The following TMEM209 variants were observed in gnomAD, a reference collection of about 807,000 sequenced individuals.
The protein encoded by TMEM209 is testicular tissue protein Li 202.
A neutral mutation model predicts 76.2 loss-of-function variants in TMEM209; 65 were observed. That is an observed-to-expected ratio of 0.85 (90% CI 0.70 to 1.05). The LOEUF is 1.05. Ranked by LOEUF, TMEM209 falls within the 50% of genes least tolerant of loss-of-function variation. The probability of loss-of-function intolerance (pLI) is 0.00; values close to 1 mark genes in which losing one functional copy is unlikely to be tolerated. For synonymous variants in TMEM209, 239 were observed against 237.6 expected (o/e 1.01, Z -0.06); for missense variants, 623 against 685.5 (o/e 0.91, Z 1.02).
chr7:130,178,473 G>A lies in TMEM209; in HGVS notation c.1175C>T (p.Pro392Leu), dbSNP rs765988156. ...QAALVKAPLI[P>L]TLNTIVQYLD... ...ATACTGAACGATTGTGTTCAAAGTC[G>A]GAATGAGAGGCGCTTTAACCAGGGC... is the stretch of plus-strand genomic sequence containing the variant. Residue 392 changes from proline to leucine, a missense_variant, in exon 10 of 15, where the codon CCG becomes CTG. By Grantham distance (98) the Pro-to-Leu change is moderately conservative. Coordinates refer to ENST00000397622, the MANE Select transcript of TMEM209 (RefSeq NM_032842.4). The A allele has an allele frequency of 3.7e-6, 6 of 1,613,582 alleles. No individual in the cohort carries two copies. The highest frequency in any genetic ancestry group is 5.1e-6 in the Non-Finnish European group (6 of 1,179,810).
chr7:130,205,225 A>T, intron 1 of TMEM209, 148 bp downstream of exon 1: 12 of 1,592,756 alleles, frequency 7.5e-6, no homozygotes, highest in Non-Finnish European at 1.0e-5. Context: ...CAGCAACCCT[A>T]TTGCTTCTTT....
At chr7:130,192,591 G>C in intron 6 of TMEM209, 31 bp downstream of exon 6, 2 of 1,585,742 alleles carry the variant, frequency 1.3e-6, no homozygotes, top group East Asian at 4.5e-5. Flanking sequence ...CCAAAAATAT[G>C]TATAGTAGAT....
In TMEM209 at chr7:130,205,150, AC is replaced by A. The variant is rs375519651; in HGVS notation, c.3+222del. Reference sequence around the variant, plus strand: ...AGGACAGAGCAATAGCTTTCGCGCCACTCAGCCCCCGCGTCCCAATTTCCCA... The same window carrying A: ...AGGACAGAGCAATAGCTTTCGCGCCATCAGCCCCCGCGTCCCAATTTCCCA... On this transcript the variant is annotated intron_variant, in intron 1 of 14. Transcript: ENST00000397622. 105 of 1,460,770 alleles carry A rather than the reference AC, an allele frequency of 7.2e-5. No homozygotes were observed. The African/African-American group carries it at 1.1e-3, about 15-fold the overall frequency. 90.5% of individuals were successfully genotyped at this position (1,460,770 alleles called of 1,614,324 possible). A position where few individuals can be genotyped will look rare whatever the true frequency, so the allele number is the denominator to read the frequency against.
chr7:130,189,251 C>T (rs1319371879), intron 6 of TMEM209, among the ~76,000 whole-genome samples: 1 of 152,100 alleles, frequency 6.6e-6, no homozygotes, highest in African/African-American at 2.4e-5. Context: ...GGCTGGAGTG[C>T]AGTGGTGTGA....
chr7:130,173,784 G>C, intron 12 of TMEM209, 41 bp downstream of exon 12: 1 of 1,603,894 alleles, frequency 6.2e-7, no homozygotes, highest in Non-Finnish European at 8.5e-7. Flanking sequence ...GAGATATTTT[G>C]TGTGAAAATC....
At chr7:130,178,155 TAAAG>T (rs1485795372) in intron 10 of TMEM209, among the ~76,000 whole-genome samples, 2 of 152,172 alleles carry the variant, frequency 1.3e-5, no homozygotes, top group Non-Finnish European at 2.9e-5. Flanking sequence ...ACCGGAACTA[TAAAG>T]AATGTCATAA....
intron 4 of TMEM209, 99 bp from the exon 5 acceptor site, chr7:130,202,190 G>A: frequency 7.2e-7 from 1 of 1,379,946 alleles, no homozygotes; most frequent in South Asian, 1.5e-5. Context: ...AGGGAAAAAA[G>A]TTAACAGAGT....
At chr7:130,198,807 T>G (rs1798085009) in intron 5 of TMEM209, among the ~76,000 whole-genome samples, 1 of 152,200 alleles carries the variant, frequency 6.6e-6, no homozygotes, top group African/African-American at 2.4e-5. Flanking sequence ...TAATTTCTAG[T>G]TTTATTTTTG....
chr7:130,173,944 G>C lies in TMEM209; in HGVS notation c.1345-5C>G. ...GCAAAATACATGCATGATGATCTGA[G>C]GATGAAGAAATAATTTTTTTTTAAG... On this transcript the variant is annotated splice_region_variant and splice_polypyrimidine_tract_variant and intron_variant, in intron 11 of 14. Coordinates refer to ENST00000397622, the MANE Select transcript of TMEM209 (RefSeq NM_032842.4). 1.9e-6 allele frequency: 3 copies of C among 1,584,080 alleles called. No homozygotes were observed. Among genetic ancestry groups the C allele is most frequent in the Non-Finnish European group, 2.6e-6 (3 of 1,153,166 alleles).
intron 9 of TMEM209, among the ~76,000 whole-genome samples, chr7:130,178,750 C>A (rs1213497614): frequency 1.3e-5 from 2 of 152,018 alleles, no homozygotes; most frequent in Non-Finnish European, 2.9e-5. Flanking sequence ...TTAGCACTAA[C>A]CACTGTCCAA....
intron 8 of TMEM209, among the ~76,000 whole-genome samples, chr7:130,183,579 T>C (rs918268442): frequency 6.6e-6 from 1 of 152,168 alleles, no homozygotes; most frequent in Non-Finnish European, 1.5e-5. Flanking sequence ...AGTAGCCCCT[T>C]CAGAGCTAAG....
chr7:130,176,006 CACA>C (rs1014012877), intron 10 of TMEM209, among the ~76,000 whole-genome samples: 16 of 150,676 alleles, frequency 1.1e-4, no homozygotes, highest in African/African-American at 2.4e-4. Context: ...TTTCAAATGG[CACA>C]ACAAGAAAAA....
At chr7:130,198,536 G>A (rs965624245) in intron 5 of TMEM209, among the ~76,000 whole-genome samples, 3 of 151,148 alleles carry the variant, frequency 2.0e-5, no homozygotes, top group African/African-American at 4.9e-5. Flanking sequence ...CCTTCAACCC[G>A]GGAGGCAGAC....
chr7:130,166,743 T>C (rs1294883370), intron 14 of TMEM209, among the ~76,000 whole-genome samples: 2 of 152,152 alleles, frequency 1.3e-5, no homozygotes, highest in Non-Finnish European at 2.9e-5. Context: ...AGTTTTTCAG[T>C]AAACAAGAAC....
chr7:130,181,893 G>T lies in TMEM209; in HGVS notation c.1024-174C>A, dbSNP rs115076036. Reference sequence around the variant, plus strand: ...GAAAGTAATAGCTACCCGAAATCAAGAGATGGTTAAATAAATATGCCACTG... The same window carrying T: ...GAAAGTAATAGCTACCCGAAATCAATAGATGGTTAAATAAATATGCCACTG... On this transcript the variant is annotated intron_variant, in intron 8 of 14. Transcript: ENST00000397622. 2,720 of 525,828 alleles carry T rather than the reference G, an allele frequency of 5.2e-3. 52 individuals are homozygous for T. Among genetic ancestry groups the T allele is most frequent in the African/African-American group, 0.046 (2,401 of 52,108 alleles). 32.6% of individuals were successfully genotyped at this position (525,828 alleles called of 1,614,324 possible).
At chr7:130,185,751 T>C (rs1204419302) in intron 6 of TMEM209, among the ~76,000 whole-genome samples, 1 of 152,180 alleles carries the variant, frequency 6.6e-6, no homozygotes, top group South Asian at 2.1e-4. Flanking sequence ...AGAAGCTCTT[T>C]CTAAAAGGGA....
chr7:130,203,366 C>T (rs1245228153), intron 3 of TMEM209, among the ~76,000 whole-genome samples: 1 of 152,034 alleles, frequency 6.6e-6, no homozygotes, highest in Admixed American at 6.6e-5. Flanking sequence ...ACTTTAACAT[C>T]CATAAAGACT....
chr7:130,173,247 T>C (rs1054389128), intron 13 of TMEM209, among the ~76,000 whole-genome samples: 1 of 151,728 alleles, frequency 6.6e-6, no homozygotes, highest in African/African-American at 2.4e-5. Flanking sequence ...GAGGCTGAGG[T>C]GGAAGGACTT....
chr7:130,179,629 G>A (rs1797346027), intron 9 of TMEM209, among the ~76,000 whole-genome samples: 1 of 152,202 alleles, frequency 6.6e-6, no homozygotes, highest in South Asian at 2.1e-4. Context: ...ATGTGTCATG[G>A]TTGCTAGAGT....
Sources: gnomAD v4.1 joint callset for allele counts (sites outside exome capture counted in the v4.1 genomes callset) on GRCh38, gnomAD v4.1.1 for gene constraint, MANE v1.5 for transcripts, NCBI Gene and HGNC (gene_info 2026-07-23, HGNC 2026-07-21) for gene names.